The following NSMCE2 variants were observed in gnomAD, a reference collection of about 807,000 sequenced individuals.
NSMCE2 encodes NSE2 SUMO ligase component of SMC5/6 complex, also known as E3 SUMO-protein ligase NSE2.
Under a neutral mutation model 23.8 loss-of-function variants are expected in NSMCE2, and 24 were observed. That is an observed-to-expected ratio of 1.01 (90% CI 0.73 to 1.42). The LOEUF (loss-of-function observed/expected upper bound fraction) is 1.42. Among genes scored for constraint, NSMCE2 ranks in the 40% most tolerant of loss-of-function variants. The probability of loss-of-function intolerance (pLI) is 0.00; values close to 1 mark genes in which losing one functional copy is unlikely to be tolerated. For synonymous variants in NSMCE2, 92 were observed against 94.1 expected (o/e 0.98, Z 0.13); for missense variants, 284 against 296.5 (o/e 0.96, Z 0.31).
chr8:125,287,188 C>T (rs1385106507), intron 5 of NSMCE2, among the ~76,000 whole-genome samples: 10 of 152,108 alleles, frequency 6.6e-5, no homozygotes, highest in Admixed American at 2.6e-4. Context: ...AAAAATTGGC[C>T]GGGTGTGGTG....
intron 4 of NSMCE2, among the ~76,000 whole-genome samples, chr8:125,173,826 G>A (rs73704549): frequency 0.097 from 14,719 of 152,196 alleles, 909 homozygotes; most frequent in South Asian, 0.17. Flanking sequence ...TAAGGTGAAC[G>A]GGGGTTTGAG....
Position 125,366,125 on chromosome 8 carries a change from T to G in NSMCE2, c.627-643T>G, listed in dbSNP as rs963138537. Among the ~76,000 whole-genome samples, 8 of 152,204 alleles carry G rather than the reference T, an allele frequency of 5.3e-5. No homozygotes were observed. The South Asian group carries it at 6.2e-4, about 12-fold the overall frequency. On this transcript the variant is annotated intron_variant, in intron 7 of 7. Transcript: ENST00000287437. The stretch of plus-strand genomic sequence containing the variant: ...ATGCCCTGAGTCCAGCCAGTGAAGC[T>G]GTGGCCCCAGCACTCTCTCTCCCTG...
chr8:125,115,606 C>G (rs1818967646), intron 3 of NSMCE2, among the ~76,000 whole-genome samples: 1 of 152,126 alleles, frequency 6.6e-6, no homozygotes, highest in Non-Finnish European at 1.5e-5. Flanking sequence ...CAAAAATTAG[C>G]CAGGCATGGT....
intron 5 of NSMCE2, among the ~76,000 whole-genome samples, chr8:125,337,776 T>TC (rs753767688): frequency 6.7e-6 from 1 of 149,580 alleles, no homozygotes; most frequent in Non-Finnish European, 1.5e-5. Flanking sequence ...ATGGCTGTAA[T>TC]CCCAACTACT....
chr8:125,278,222 A>C (rs1047889283), intron 5 of NSMCE2, among the ~76,000 whole-genome samples: 4 of 152,218 alleles, frequency 2.6e-5, no homozygotes, highest in Non-Finnish European at 5.9e-5. Context: ...AAAAGGAGTT[A>C]AGGGAATTTT....
chr8:125,359,268 A>G (rs1813421300), intron 7 of NSMCE2, among the ~76,000 whole-genome samples: 1 of 145,306 alleles, frequency 6.9e-6, no homozygotes. Context: ...TCTGTCTCCA[A>G]AAAAAAAAAA....
At chr8:125,325,908 C>T (rs1367287196) in intron 5 of NSMCE2, among the ~76,000 whole-genome samples, 1 of 152,092 alleles carries the variant, frequency 6.6e-6, no homozygotes, top group South Asian at 2.1e-4. Flanking sequence ...GCCAAGATTG[C>T]GGCACTGTAC....
rs558311152 is a variant in NSMCE2, at chr8:125,138,818, G to C, written c.158-12353G>C. On this transcript the variant is annotated intron_variant, in intron 3 of 7. Coordinates refer to ENST00000287437, the MANE Select transcript of NSMCE2 (RefSeq NM_173685.4). ...GCACTGGAATCTGGAAGAGACTTGA[G>C]ACTTTCTGTTTGACCCAGGAGGTAG... is the stretch of plus-strand genomic sequence containing the variant. 5.0e-4 allele frequency among the ~76,000 whole-genome samples: 76 copies of C among 152,236 alleles called. 1 individual carries two copies. The highest frequency in any genetic ancestry group is 1.8e-3 in the African/African-American group (74 of 41,546).
At chr8:125,116,885 CTTTTTT>C (rs35636109) in intron 3 of NSMCE2, among the ~76,000 whole-genome samples, 1 of 129,540 alleles carries the variant, frequency 7.7e-6, no homozygotes, top group Admixed American at 7.8e-5. Context: ...AAGCATATAA[CTTTTTT>C]TTTTTTTTTT....
intron 3 of NSMCE2, among the ~76,000 whole-genome samples, chr8:125,120,483 T>C (rs1336050252): frequency 6.6e-6 from 1 of 152,240 alleles, no homozygotes; most frequent in African/African-American, 2.4e-5. Context: ...ATCCTGCTAG[T>C]ATTTGCTTCT....
chr8:125,243,984 GTAAT>G (rs1172845424), intron 5 of NSMCE2, among the ~76,000 whole-genome samples: 2 of 151,808 alleles, frequency 1.3e-5, no homozygotes, highest in Non-Finnish European at 2.9e-5. Context: ...AGCCACATAA[GTAAT>G]TAGTCAGAAT....
intron 5 of NSMCE2, among the ~76,000 whole-genome samples, chr8:125,303,034 G>T (rs937625245): frequency 6.6e-6 from 1 of 152,174 alleles, no homozygotes; most frequent in Non-Finnish European, 1.5e-5. Flanking sequence ...TTCGCAAGCG[G>T]AGAGTCCTCA....
Position 125,354,441 on chromosome 8 carries a change from G to A in NSMCE2, c.419-2778G>A, listed in dbSNP as rs572870259. The stretch of plus-strand genomic sequence containing the variant: ...TTCGATTACCGGATCAACAATTAAT[G>A]AAGTTAACTTCACATTTGCATAGAC... On this transcript the variant is annotated intron_variant, in intron 5 of 7. Transcript: ENST00000287437. 1.6e-4 allele frequency among the ~76,000 whole-genome samples: 24 copies of A among 152,254 alleles called. 1 individual carries two copies. The South Asian group carries it at 4.8e-3, about 30-fold the overall frequency.
intron 5 of NSMCE2, among the ~76,000 whole-genome samples, chr8:125,276,293 T>A (rs1827446879): frequency 6.6e-6 from 1 of 152,206 alleles, no homozygotes; most frequent in Non-Finnish European, 1.5e-5. Flanking sequence ...TAAATCTGTT[T>A]CCCACTCTGA....
At chr8:125,131,252 G>A (rs1192893654) in intron 3 of NSMCE2, among the ~76,000 whole-genome samples, 1 of 152,140 alleles carries the variant, frequency 6.6e-6, no homozygotes, top group East Asian at 1.9e-4. Context: ...ATCTCTTTTT[G>A]AAAATATATA....
At chr8:125,283,657 G>T (rs1321169191) in intron 5 of NSMCE2, among the ~76,000 whole-genome samples, 1 of 152,194 alleles carries the variant, frequency 6.6e-6, no homozygotes. Context: ...ATGCAATTAT[G>T]TATCAAGACA....
At chr8:125,105,396 C>G (rs1022333217) in intron 3 of NSMCE2, among the ~76,000 whole-genome samples, 2 of 151,926 alleles carry the variant, frequency 1.3e-5, no homozygotes, top group Admixed American at 1.3e-4. Context: ...GAACATAACC[C>G]CTTGGGAGAT....
intron 5 of NSMCE2, among the ~76,000 whole-genome samples, chr8:125,218,216 T>C (rs1219063957): frequency 6.6e-6 from 1 of 152,202 alleles, no homozygotes; most frequent in Admixed American, 6.5e-5. Context: ...TATTTTTTAC[T>C]GACCAAAATA....
intron 5 of NSMCE2, among the ~76,000 whole-genome samples, chr8:125,206,485 C>T (rs181047952): frequency 4.8e-4 from 73 of 152,244 alleles, no homozygotes; most frequent in African/African-American, 1.8e-3. Flanking sequence ...TGATGATATG[C>T]TGAACTGCCA....
Sources: allele counts gnomAD v4.1 joint callset (sites outside exome capture counted in the v4.1 genomes callset), GRCh38; gene constraint gnomAD v4.1.1; transcripts MANE v1.5; gene names NCBI Gene and HGNC (gene_info 2026-07-23, HGNC 2026-07-21).